Variants in PHKA1 observed in about 807,000 individuals in gnomAD.
PHKA1 encodes the protein phosphorylase b kinase regulatory subunit alpha, skeletal muscle isoform.
Under a neutral mutation model 110.2 loss-of-function variants are expected in PHKA1, and 60 were observed. The ratio of observed to expected loss-of-function variants is 0.54; its 90% CI spans 0.44 to 0.68. The LOEUF (loss-of-function observed/expected upper bound fraction) is 0.68, where lower values mean the gene tolerates loss of function less well. PHKA1 is among the 30% of genes least tolerant of loss of function. The pLI is 0.00. For missense variants in PHKA1, 801 were observed against 942.5 expected (o/e 0.85, Z 1.97); for synonymous variants, 316 against 333.6 (o/e 0.95, Z 0.58).
chrX:72,619,129 G>C (rs1205330503), intron 20 of PHKA1, 85 bp downstream of exon 20: 12 of 616,398 alleles, frequency 1.9e-5, no homozygotes, highest in Middle Eastern at 3.0e-4. Flanking sequence ...TTAGTAACAA[G>C]AACCATAATG....
At chrX:72,584,363 C>T (rs1382521413) in intron 29 of PHKA1, 61 bp from the exon 30 acceptor site, 36 of 1,017,254 alleles carry the variant, frequency 3.5e-5, no homozygotes, top group Non-Finnish European at 4.6e-5. Flanking sequence ...AGACAAACAA[C>T]GGGGAGGCTA....
Position 72,581,052 on chromosome X carries a change from C to T in PHKA1, c.3622G>A (p.Ala1208Thr), listed in dbSNP as rs782814716. The change falls in exon 32 of 32, where the codon GCC becomes ACC. Residue 1208 changes from alanine (A) to threonine (T), a missense_variant. Coordinates refer to ENST00000373542, the MANE Select transcript of PHKA1 (RefSeq NM_002637.4). ...GGCAGGAACTCCTGCACGTAGGTGG[C>T]GGCTGCCTTGGAGAGGTAGGTCATG... ...GTMTYLSKAA[A>T]TYVQEFLPHS... 6.6e-6 allele frequency: 8 copies of T among 1,210,429 alleles called. No homozygotes were observed. Among genetic ancestry groups the T allele is most frequent in the South Asian group, 3.5e-5 (2 of 56,826 alleles).
At chrX:72,627,626 A>AG (rs2053096161) in intron 16 of PHKA1, among the ~76,000 whole-genome samples, 1 of 111,350 alleles carries the variant, frequency 9.0e-6, no homozygotes, top group Admixed American at 9.5e-5. Context: ...ACTGTAATGA[A>AG]GACCATTGTA....
intron 5 of PHKA1, among the ~76,000 whole-genome samples, chrX:72,680,689 G>A (rs1241884358): frequency 9.5e-5 from 10 of 105,704 alleles, no homozygotes; most frequent in Non-Finnish European, 1.3e-4. Context: ...TCGCGGCGCT[G>A]ACGCCCGCGG....
intron 5 of PHKA1, among the ~76,000 whole-genome samples, chrX:72,676,416 C>T (rs1304190380): frequency 9.0e-6 from 1 of 111,483 alleles, no homozygotes; most frequent in African/African-American, 3.3e-5. Flanking sequence ...AGAACTATAA[C>T]TCTGTCTATC....
intron 1 of PHKA1, among the ~76,000 whole-genome samples, chrX:72,713,506 G>A (rs997764844): frequency 9.0e-6 from 1 of 111,302 alleles, no homozygotes; most frequent in African/African-American, 3.3e-5. Context: ...TTTATAATGG[G>A]TATTATTAAA....
Position 72,684,284 on chromosome X carries a change from A to G in PHKA1, c.537+214T>C, listed in dbSNP as rs145119901. Among the ~76,000 whole-genome samples, 667 of 111,734 alleles carry G rather than the reference A, an allele frequency of 6.0e-3. 10 individuals are homozygous for G. Among genetic ancestry groups the G allele is most frequent in the African/African-American group, 0.021 (652 of 30,795 alleles). On this transcript the variant is annotated intron_variant, in intron 5 of 31. Transcript: ENST00000373542. ...CACAGAGTTTGAAAGGAATGAAAGT[A>G]TAGCATCCTGACCCTCTTGTCTCTG... is the stretch of plus-strand genomic sequence containing the variant.
chrX:72,613,796 C>CTA (rs1417218756), intron 21 of PHKA1, among the ~76,000 whole-genome samples: 1 of 111,898 alleles, frequency 8.9e-6, no homozygotes, highest in Non-Finnish European at 1.9e-5. Flanking sequence ...CTAATCAACA[C>CTA]TATGATATGA....
intron 28 of PHKA1, 70 bp downstream of exon 28, chrX:72,601,921 A>G (rs2052662390): frequency 3.9e-6 from 3 of 770,733 alleles, no homozygotes; most frequent in Non-Finnish European, 5.9e-6. Context: ...TAAAAAGGCC[A>G]TGAGCTCATG....
intron 5 of PHKA1, among the ~76,000 whole-genome samples, chrX:72,680,703 C>G (rs2053840328): frequency 9.6e-6 from 1 of 104,285 alleles, no homozygotes; most frequent in Non-Finnish European, 1.9e-5. Flanking sequence ...CCCGCGGGCC[C>G]CAGCTGCAGA....
chrX:72,699,457 C>T (rs781890636), intron 3 of PHKA1, among the ~76,000 whole-genome samples: 46 of 92,983 alleles, frequency 4.9e-4, no homozygotes, highest in East Asian at 4.9e-3. Flanking sequence ...TGCAGTGAGC[C>T]GAGATCGCGC....
intron 14 of PHKA1, among the ~76,000 whole-genome samples, chrX:72,641,780 T>A (rs1193393823): frequency 9.0e-6 from 1 of 111,693 alleles, no homozygotes; most frequent in Non-Finnish European, 1.9e-5. Context: ...AATTTTTTTA[T>A]TGTGAAACTG....
intron 8 of PHKA1, among the ~76,000 whole-genome samples, chrX:72,665,615 G>A (rs1170185002): frequency 2.7e-5 from 3 of 111,376 alleles, no homozygotes; most frequent in Admixed American, 9.5e-5. Flanking sequence ...GAACATAGAT[G>A]CAAAAATCCT....
chrX:72,635,185 T>C lies in PHKA1; in HGVS notation c.1684A>G (p.Ile562Val), dbSNP rs1556290860. The change falls in exon 16 of 32, where the codon ATC (isoleucine) becomes GTC (valine). Residue 562 changes from isoleucine to valine, a missense_variant. Ile to Val is a conservative substitution (Grantham distance 29). Transcript: ENST00000373542. ...ATGCTGTGTGAGATGGGGAAGGTGA[T>C]GGTGGGCTGGCCTGTCATCCGCCAG... ...SRWRMTGQPTITFPISHSMLD... is the reference protein window; with the variant it reads ...SRWRMTGQPTVTFPISHSMLD... The C allele has an allele frequency of 8.3e-6, 10 of 1,210,359 alleles. No individual in the cohort carries two copies. The highest frequency in any genetic ancestry group is 2.3e-4 in the Middle Eastern group (1 of 4,300).
intron 16 of PHKA1, among the ~76,000 whole-genome samples, chrX:72,633,149 A>G (rs782648043): frequency 5.4e-5 from 6 of 111,690 alleles, no homozygotes; most frequent in Non-Finnish European, 1.1e-4. Context: ...CAATGCAGCA[A>G]CATTTACCTA....
rs1195625943 is a variant in PHKA1, at chrX:72,609,615, C to T, written c.2606+9G>A. 7 of 1,171,336 alleles carry T rather than the reference C, an allele frequency of 6.0e-6. No homozygotes were observed. The African/African-American group carries it at 1.2e-4, about 21-fold the overall frequency. ...TCAGAGAAGCCTGACCAAACCCAGC[C>T]ATACTCACGCAGAGATAGTCTTTTC... On this transcript the variant is annotated intron_variant, in intron 23 of 31. Transcript: ENST00000373542.
At chrX:72,643,690 A>G (rs2053325125) in intron 14 of PHKA1, among the ~76,000 whole-genome samples, 1 of 111,600 alleles carries the variant, frequency 9.0e-6, no homozygotes, top group African/African-American at 3.3e-5. Context: ...GACACTTGTG[A>G]TTACATTTAG....
At chrX:72,627,437 C>T (rs1439474964) in intron 16 of PHKA1, among the ~76,000 whole-genome samples, 1 of 112,105 alleles carries the variant, frequency 8.9e-6, no homozygotes, top group Non-Finnish European at 1.9e-5. Context: ...ATATAAAGAA[C>T]CTTGGCACAT....
rs1206022405 is a variant in PHKA1 at position 72,579,924 on chromosome X, G to C, written c.*1078C>G. The C allele has an allele frequency of 8.9e-6, 1 of 111,895 alleles. No homozygotes were observed. Among genetic ancestry groups the C allele is most frequent in the Non-Finnish European group, 1.9e-5 (1 of 53,196 alleles). The allele number at this position is 111,895 out of a possible 1,213,427, so 9.2% of individuals were successfully genotyped here. A position where few individuals can be genotyped will look rare whatever the true frequency, so the allele number is the denominator to read the frequency against. On this transcript the variant is annotated 3_prime_UTR_variant, in exon 32 of 32. Coordinates refer to ENST00000373542, the MANE Select transcript of PHKA1 (RefSeq NM_002637.4). ...TCAGGGAGTTGAGTTGGATGTAGTA[G>C]AAAGTAGGTGAGTGAGACAGAGACC...
Sources: gnomAD v4.1 joint callset for allele counts (sites outside exome capture counted in the v4.1 genomes callset) on GRCh38, gnomAD v4.1.1 for gene constraint, MANE v1.5 for transcripts, NCBI Gene and HGNC (gene_info 2026-07-23, HGNC 2026-07-21) for gene names.